Variants in CCDC92B observed in about 807,000 individuals in gnomAD.
CCDC92B encodes the protein coiled-coil domain containing 92B.
Under a neutral mutation model 5.6 loss-of-function variants are expected in CCDC92B, and 2 were observed. The ratio of observed to expected loss-of-function variants is 0.36; its 90% CI spans 0.15 to 1.12. The LOEUF is 1.12. Ranked by LOEUF, CCDC92B falls within the 50% of genes most tolerant of loss-of-function variation. The pLI, the probability that CCDC92B is intolerant of heterozygous loss-of-function variation, is 0.40. For synonymous variants in CCDC92B, 115 were observed against 122.3 expected, an observed-to-expected ratio of 0.94 and a Z score of 0.39; for missense variants, 271 against 262.2, an observed-to-expected ratio of 1.03 and a Z score of -0.23.
intron 1 of CCDC92B, among the ~76,000 whole-genome samples, chr17:2,744,776 T>C (rs1377571796): frequency 1.3e-5 from 2 of 152,074 alleles, no homozygotes; most frequent in Non-Finnish European, 2.9e-5. Context: ...AATATACTGG[T>C]GCAACCAGGC....
chr17:2,729,105 C>G (rs1020568799), intron 3 of CCDC92B, among the ~76,000 whole-genome samples: 4 of 152,082 alleles, frequency 2.6e-5, no homozygotes, highest in African/African-American at 7.2e-5. Context: ...CTCCTGGGCT[C>G]AAGTGATTCT....
rs1297713922 is a variant in CCDC92B, at chr17:2,723,975, G to A, written c.*436C>T. On this transcript the variant is annotated 3_prime_UTR_variant, in exon 4 of 4. Transcript: ENST00000614400. Reference sequence around the variant, plus strand: ...GAAGGGCGTCGGCGCGGGGGTGGGGGAGGCGGGGGGTGGGGAGCTAGAGGG... The same window carrying A: ...GAAGGGCGTCGGCGCGGGGGTGGGGAAGGCGGGGGGTGGGGAGCTAGAGGG... 7.3e-6 allele frequency: 7 copies of A among 958,560 alleles called. No homozygotes were observed. The highest frequency in any genetic ancestry group is 7.4e-6 in the Non-Finnish European group (6 of 806,924). The allele number at this position is 958,560 out of a possible 1,614,324, so 59.4% of individuals were successfully genotyped here.
At chr17:2,737,597 G>A (rs1179583989) in intron 1 of CCDC92B, among the ~76,000 whole-genome samples, 1 of 143,838 alleles carries the variant, frequency 7.0e-6, no homozygotes, top group African/African-American at 2.6e-5. Context: ...TCAGCCTCCC[G>A]AGTAGCTGGG....
intron 1 of CCDC92B, among the ~76,000 whole-genome samples, chr17:2,747,463 A>AGTG (rs1470536345): frequency 6.6e-6 from 1 of 152,188 alleles, no homozygotes; most frequent in Non-Finnish European, 1.5e-5. Flanking sequence ...GCGGTGGCTC[A>AGTG]CGCCTGTCAT....
intron 2 of CCDC92B, among the ~76,000 whole-genome samples, chr17:2,732,660 T>C (rs1208685273): frequency 6.6e-6 from 1 of 151,492 alleles, no homozygotes; most frequent in Non-Finnish European, 1.5e-5. Context: ...GAGGTTTCAG[T>C]GAGCTGAGAT....
intron 1 of CCDC92B, among the ~76,000 whole-genome samples, chr17:2,736,126 C>G (rs767628803): frequency 4.6e-5 from 7 of 152,112 alleles, no homozygotes; most frequent in Non-Finnish European, 7.3e-5. Flanking sequence ...GTGGTGGAGT[C>G]CCTTTGTAAA....
At chr17:2,749,273 G>A (rs2071026222) in intron 1 of CCDC92B, 138 bp downstream of exon 1, 1 of 152,284 alleles carries the variant, frequency 6.6e-6, no homozygotes, top group Non-Finnish European at 1.5e-5. Flanking sequence ...CCCGCCGCGA[G>A]TCCTGTCCGC....
chr17:2,727,729 T>G (rs7219261), intron 3 of CCDC92B, among the ~76,000 whole-genome samples: 1 of 150,254 alleles, frequency 6.7e-6, no homozygotes, highest in African/African-American at 2.5e-5. Flanking sequence ...GAGGCTGAAG[T>G]AGGAGAATTG....
At chr17:2,741,034 T>A (rs2070921294) in intron 1 of CCDC92B, among the ~76,000 whole-genome samples, 1 of 150,622 alleles carries the variant, frequency 6.6e-6, no homozygotes, top group Admixed American at 6.6e-5. Context: ...ATAATAAATG[T>A]ATGTTGTTTT....
In CCDC92B at chr17:2,725,641, T is replaced by C. The variant is rs536089369; in HGVS notation, c.179-641A>G. On this transcript the variant is annotated intron_variant, in intron 3 of 3. Coordinates refer to ENST00000614400, the MANE Select transcript of CCDC92B (RefSeq NM_001355573.2). ...TGTGCATTGTGTTAGGTATTGGAGATAGGGCGCATAATAAAACGGTCTCTG... is the reference window on the plus strand; with the variant it reads ...TGTGCATTGTGTTAGGTATTGGAGACAGGGCGCATAATAAAACGGTCTCTG... Among the ~76,000 whole-genome samples, 7 of 151,908 alleles carry C rather than the reference T, an allele frequency of 4.6e-5. 1 individual carries two copies. Among genetic ancestry groups the C allele is most frequent in the African/African-American group, 1.7e-4 (7 of 41,430 alleles).
At chr17:2,731,793 G>C (rs2070797387) in intron 2 of CCDC92B, among the ~76,000 whole-genome samples, 1 of 152,254 alleles carries the variant, frequency 6.6e-6, no homozygotes, top group Non-Finnish European at 1.5e-5. Flanking sequence ...TCAAGGCCTT[G>C]TGATGTAGCC....
intron 1 of CCDC92B, among the ~76,000 whole-genome samples, chr17:2,741,717 C>A (rs139252117): frequency 0.024 from 3,600 of 149,800 alleles, 159 homozygotes; most frequent in African/African-American, 0.085. Context: ...CTCAGCCTCC[C>A]GAGTAGCTGG....
At chr17:2,732,802 A>C (rs1467812900) in intron 2 of CCDC92B, among the ~76,000 whole-genome samples, 3 of 151,926 alleles carry the variant, frequency 2.0e-5, no homozygotes, top group African/African-American at 7.3e-5. Flanking sequence ...TCACGAGGTC[A>C]GGAGATCGAG....
chr17:2,723,785 G>T lies in CCDC92B; in HGVS notation c.*626C>A. ...TAATCCTCTCCCAGGGCCCATGGAA[G>T]TTAGGCTTCCATCAGGCGCACTTTT... On this transcript the variant is annotated 3_prime_UTR_variant, in exon 4 of 4. Transcript: ENST00000614400. 1 of 213,246 alleles carries T rather than the reference G, an allele frequency of 4.7e-6. No individual in the cohort carries two copies. Among genetic ancestry groups the T allele is most frequent in the Non-Finnish European group, 8.1e-6 (1 of 123,762 alleles). The allele number at this position is 213,246 out of a possible 1,614,324, so 13.2% of individuals were successfully genotyped here.
At chr17:2,746,860 C>T (rs151310635) in intron 1 of CCDC92B, among the ~76,000 whole-genome samples, 5 of 152,060 alleles carry the variant, frequency 3.3e-5, no homozygotes, top group African/African-American at 7.2e-5. Flanking sequence ...TTAGTAGAGA[C>T]GGGGTTTCAC....
chr17:2,732,511 G>GT (rs1180318652), intron 2 of CCDC92B, among the ~76,000 whole-genome samples: 2 of 152,204 alleles, frequency 1.3e-5, no homozygotes, highest in Non-Finnish European at 2.9e-5. Flanking sequence ...GAGGTCAGGA[G>GT]TTTGAGACCA....
At chr17:2,734,296 C>T (rs936910825) in intron 2 of CCDC92B, among the ~76,000 whole-genome samples, 41 of 152,252 alleles carry the variant, frequency 2.7e-4, no homozygotes, top group African/African-American at 9.1e-4. Context: ...CCTCCTCCTT[C>T]AGCACCTGCT....
rs2070699714 is a variant in CCDC92B at position 2,724,470 on chromosome 17, C to T, written c.709G>A (p.Asp237Asn). The T allele has an allele frequency of 2.0e-6, 2 of 983,304 alleles. No individual in the cohort carries two copies. The allele number at this position is 983,304 out of a possible 1,614,324, so 60.9% of individuals were successfully genotyped here. ...GGCGCGGGCTGCGGGCCGGCTCGGT[C>T]CGGGGGCTCCTGGGGAGGCGGCTGG... Reference protein sequence around the residue: ...PRQPPPQEPPDRAGPQPAPSQ... With the variant: ...PRQPPPQEPPNRAGPQPAPSQ... The change falls in exon 4 of 4, where the codon GAC becomes AAC. Residue 237 changes from aspartate to asparagine, a missense_variant. Coordinates refer to ENST00000614400, the MANE Select transcript of CCDC92B (RefSeq NM_001355573.2). The surrounding 1 kb of genome is among the most constrained non-coding windows in gnomAD (Gnocchi z 5.0).
chr17:2,729,307 A>G (rs940547889), intron 3 of CCDC92B, among the ~76,000 whole-genome samples: 3 of 152,148 alleles, frequency 2.0e-5, no homozygotes, highest in African/African-American at 7.2e-5. Context: ...CCTGGCCAAC[A>G]TGGTGAAACC....
Sources: gnomAD v4.1 joint callset for allele counts (sites outside exome capture counted in the v4.1 genomes callset) on GRCh38, gnomAD v4.1.1 for gene constraint, Gnocchi (gnomAD v3.1) non-coding constraint, MANE v1.5 for transcripts, NCBI Gene and HGNC (gene_info 2026-07-23, HGNC 2026-07-21) for gene names.